The following CHCHD3 variants were observed in gnomAD, a reference collection of about 807,000 sequenced individuals.
The protein encoded by CHCHD3 is coiled-coil-helix-coiled-coil-helix domain containing 3, also known as MICOS complex subunit MIC19.
In CHCHD3, 20 loss-of-function variants were observed where a neutral mutation model predicts 38.2. That is an observed-to-expected ratio of 0.52 (90% CI 0.37 to 0.76). CHCHD3 has a LOEUF of 0.76. CHCHD3 is among the 30% of genes least tolerant of loss of function. The pLI, the probability that CHCHD3 is intolerant of heterozygous loss-of-function variation, is 0.00. For synonymous variants in CHCHD3, 82 were observed against 100.0 expected (o/e 0.82, Z 1.07); for missense variants, 245 against 279.2 (o/e 0.88, Z 0.87).
chr7:132,936,830 C>G (rs1810643499), intron 4 of CHCHD3, among the ~76,000 whole-genome samples: 1 of 152,194 alleles, frequency 6.6e-6, no homozygotes, highest in African/African-American at 2.4e-5. Flanking sequence ...GGCATCTCAT[C>G]AATAGCATGC....
intron 1 of CHCHD3, among the ~76,000 whole-genome samples, chr7:133,073,163 C>T (rs368861161): frequency 2.0e-5 from 3 of 152,078 alleles, no homozygotes; most frequent in Non-Finnish European, 4.4e-5. Flanking sequence ...CACCTCTGGC[C>T]ACTCCCGTCT....
chr7:132,956,190 T>C (rs1288722445), intron 4 of CHCHD3, among the ~76,000 whole-genome samples: 1 of 152,236 alleles, frequency 6.6e-6, no homozygotes, highest in Non-Finnish European at 1.5e-5. Flanking sequence ...TGAAGCCTGT[T>C]GGCCTGCCCT....
At chr7:132,947,154 T>C (rs923431765) in intron 4 of CHCHD3, among the ~76,000 whole-genome samples, 1 of 151,992 alleles carries the variant, frequency 6.6e-6, no homozygotes, top group Non-Finnish European at 1.5e-5. Context: ...AAAATAACTT[T>C]CTTATAATTA....
intron 3 of CHCHD3, among the ~76,000 whole-genome samples, chr7:133,011,980 A>T (rs1742733521): frequency 6.6e-6 from 1 of 152,156 alleles, no homozygotes; most frequent in African/African-American, 2.4e-5. Context: ...GCTGGAGTGC[A>T]ATGGCGCAAT....
chr7:133,035,914 C>A lies in CHCHD3; in HGVS notation c.170-11287G>T. 3 of 1,595,020 alleles carry A rather than the reference C, an allele frequency of 1.9e-6. No homozygotes were observed. The highest frequency in any genetic ancestry group is 1.7e-5 in the Admixed American group (1 of 58,588). ...TCAGGATACGTGTACAGGGTCCCAGCCGCCATGGTGATTCCGCAAAGAAAG... is the reference window on the plus strand; with the variant it reads ...TCAGGATACGTGTACAGGGTCCCAGACGCCATGGTGATTCCGCAAAGAAAG... On this transcript the variant is annotated intron_variant, in intron 2 of 7. Coordinates refer to ENST00000262570, the MANE Select transcript of CHCHD3 (RefSeq NM_017812.4). The surrounding 1 kb of genome is among the most constrained non-coding windows in gnomAD (Gnocchi z 4.7).
chr7:132,824,178 C>T (rs1807448819), intron 6 of CHCHD3, among the ~76,000 whole-genome samples: 2 of 152,218 alleles, frequency 1.3e-5, no homozygotes, highest in East Asian at 3.9e-4. Context: ...AACATCTATG[C>T]ACCCAATATT....
At chr7:133,032,058 C>T (rs1007658785) in intron 2 of CHCHD3, among the ~76,000 whole-genome samples, 3 of 152,148 alleles carry the variant, frequency 2.0e-5, no homozygotes, top group African/African-American at 7.2e-5. Flanking sequence ...TCTTGTCCTG[C>T]TCCTTATCTT....
chr7:132,811,832 AG>A (rs1413060681), intron 6 of CHCHD3, among the ~76,000 whole-genome samples: 1 of 151,962 alleles, frequency 6.6e-6, no homozygotes, highest in African/African-American at 2.4e-5. Context: ...ATGGTCCTGG[AG>A]GTCTCTTTGC....
At chr7:132,922,937 G>C (rs1351967487) in intron 4 of CHCHD3, among the ~76,000 whole-genome samples, 1 of 152,116 alleles carries the variant, frequency 6.6e-6, no homozygotes, top group Non-Finnish European at 1.5e-5. Flanking sequence ...TGATTGTGCT[G>C]AGCATTAAAA....
chr7:133,007,447 T>C (rs1283781275), intron 3 of CHCHD3, among the ~76,000 whole-genome samples: 1 of 152,200 alleles, frequency 6.6e-6, no homozygotes. Context: ...TACCTTTACT[T>C]ATAAGCTAGC....
chr7:132,914,291 G>A (rs917659189), intron 4 of CHCHD3, among the ~76,000 whole-genome samples: 10 of 152,070 alleles, frequency 6.6e-5, no homozygotes, highest in African/African-American at 2.2e-4. Context: ...CCCGGCCTAA[G>A]GCTCTATAAC....
chr7:133,030,369 A>T (rs1813466996), intron 2 of CHCHD3, among the ~76,000 whole-genome samples: 1 of 152,190 alleles, frequency 6.6e-6, no homozygotes. Context: ...AGCTCCCAGG[A>T]TCTGAACATT....
chr7:133,056,708 T>C lies in CHCHD3; in HGVS notation c.169+13434A>G, dbSNP rs1814347513. Among the ~76,000 whole-genome samples, 3 of 152,228 alleles carry C rather than the reference T, an allele frequency of 2.0e-5. 1 individual carries two copies. Among genetic ancestry groups the C allele is most frequent in the South Asian group, 4.1e-4 (2 of 4,830 alleles). On this transcript the variant is annotated intron_variant, in intron 2 of 7. Coordinates refer to ENST00000262570, the MANE Select transcript of CHCHD3 (RefSeq NM_017812.4). ...CAGGTAAAAGGTGGCAGTGAAGTTATGGCCCTGGATGCTTCTGTGTTAAAG... is the reference window on the plus strand; with the variant it reads ...CAGGTAAAAGGTGGCAGTGAAGTTACGGCCCTGGATGCTTCTGTGTTAAAG...
intron 4 of CHCHD3, among the ~76,000 whole-genome samples, chr7:132,968,478 C>A (rs1013032334): frequency 1.3e-5 from 2 of 152,152 alleles, no homozygotes; most frequent in African/African-American, 4.8e-5. Flanking sequence ...AGCTCGAATT[C>A]ATTAACTTCA....
chr7:132,930,039 G>A (rs1055341077), intron 4 of CHCHD3, among the ~76,000 whole-genome samples: 3 of 152,088 alleles, frequency 2.0e-5, no homozygotes, highest in African/African-American at 7.2e-5. Context: ...CTTGTTTGCT[G>A]GTTCAAAATA....
At chr7:132,785,981 C>G (rs1806306099) in intron 7 of CHCHD3, among the ~76,000 whole-genome samples, 1 of 152,154 alleles carries the variant, frequency 6.6e-6, no homozygotes, top group East Asian at 1.9e-4. Flanking sequence ...AGCTTGAAAT[C>G]AGCCTGGGCA....
At chr7:132,980,272 GATAAA>G (rs1811885644) in intron 3 of CHCHD3, among the ~76,000 whole-genome samples, 1 of 152,184 alleles carries the variant, frequency 6.6e-6, no homozygotes, top group African/African-American at 2.4e-5. Flanking sequence ...AAAGGCAGGA[GATAAA>G]ATAAGTCTCT....
chr7:132,981,163 GTTT>G (rs372506290), intron 3 of CHCHD3, among the ~76,000 whole-genome samples: 1 of 143,166 alleles, frequency 7.0e-6, no homozygotes, highest in African/African-American at 2.6e-5. Context: ...TTTTTGGGTT[GTTT>G]TTTTTTTTGT....
intron 3 of CHCHD3, among the ~76,000 whole-genome samples, chr7:133,021,284 A>G (rs1245291324): frequency 3.3e-5 from 5 of 152,220 alleles, no homozygotes; most frequent in African/African-American, 1.2e-4. Context: ...GCAGCAATAT[A>G]TTTCATAGGG....
Sources: allele counts gnomAD v4.1 joint callset (sites outside exome capture counted in the v4.1 genomes callset), GRCh38; gene constraint gnomAD v4.1.1; non-coding constraint Gnocchi (gnomAD v3.1); transcripts MANE v1.5; gene names NCBI Gene and HGNC (gene_info 2026-07-23, HGNC 2026-07-21).